The following GOSR2 variants were observed in gnomAD, a reference collection of about 807,000 sequenced individuals.
GOSR2 encodes 27 kDa Golgi SNARE protein.
A neutral mutation model predicts 27.9 loss-of-function variants in GOSR2; 20 were observed. The ratio of observed to expected loss-of-function variants is 0.72; its 90% CI spans 0.50 to 1.04. The LOEUF (loss-of-function observed/expected upper bound fraction) is 1.04. Ranked by LOEUF, GOSR2 falls within the 50% of genes least tolerant of loss-of-function variation. The probability of loss-of-function intolerance (pLI) is 0.00; values close to 1 mark genes in which losing one functional copy is unlikely to be tolerated. For synonymous variants in GOSR2, 91 were observed against 98.8 expected (o/e 0.92, Z 0.47); for missense variants, 261 against 270.5 (o/e 0.97, Z 0.25).
Position 46,938,834 on chromosome 17 carries a change from G to A in GOSR2, c.*74G>A. On this transcript the variant is annotated 3_prime_UTR_variant, in exon 6 of 6. Transcript: ENST00000640051. ...GTGTGTGTGTGAAAGAGAGAGGGGG[G>A]CCCAGAGGCCGCCTTTTGAAATGTT... is the stretch of plus-strand genomic sequence containing the variant. 6.2e-7 allele frequency: 1 copy of A among 1,606,186 alleles called. No individual in the cohort carries two copies. The highest frequency in any genetic ancestry group is 8.5e-7 in the Non-Finnish European group (1 of 1,177,920).
At chr17:46,967,851 T>C (rs961697183), downstream of GOSR2, among the ~76,000 whole-genome samples, 1 of 152,016 alleles carries the variant, frequency 6.6e-6, no homozygotes, top group East Asian at 1.9e-4. Flanking sequence ...CAGAGACCAT[T>C]TGGGGGCTAT....
intron 4 of GOSR2, 26 bp downstream of exon 4, chr17:46,932,225 G>C: frequency 4.3e-6 from 7 of 1,613,542 alleles, no homozygotes; most frequent in Non-Finnish European, 5.9e-6. Context: ...GGTGAGGGTC[G>C]GCCTGCACTT....
intron 6 of GOSR2, among the ~76,000 whole-genome samples, chr17:46,957,317 A>C (rs944864851): frequency 6.6e-6 from 1 of 151,840 alleles, no homozygotes; most frequent in Non-Finnish European, 1.5e-5. Context: ...AAAGAAAACA[A>C]AAAAAGAAAC....
intron 6 of GOSR2, among the ~76,000 whole-genome samples, chr17:46,966,144 G>T (rs1042095236): frequency 6.6e-6 from 1 of 152,064 alleles, no homozygotes; most frequent in African/African-American, 2.4e-5. Context: ...GTACTATTTC[G>T]TGATTGAGGG....
intron 6 of GOSR2, among the ~76,000 whole-genome samples, chr17:46,961,698 A>G (rs1219916942): frequency 2.6e-5 from 4 of 152,232 alleles, no homozygotes; most frequent in Non-Finnish European, 2.9e-5. Context: ...ATGTGTACCT[A>G]AAATATAACG....
chr17:46,974,546 A>G (rs2091426771), intron 6 of GOSR2, among the ~76,000 whole-genome samples: 1 of 152,130 alleles, frequency 6.6e-6, no homozygotes, highest in Non-Finnish European at 1.5e-5. Context: ...CATCCTGGCT[A>G]ACACGGTGAA....
downstream of GOSR2, among the ~76,000 whole-genome samples, chr17:46,970,364 A>C (rs2147342076): frequency 6.6e-6 from 1 of 152,166 alleles, no homozygotes; most frequent in East Asian, 1.9e-4. Flanking sequence ...ACAATGGTGA[A>C]ACCCTGTCTC....
At chr17:46,956,168 G>C (rs1339569495) in intron 6 of GOSR2, among the ~76,000 whole-genome samples, 1 of 151,794 alleles carries the variant, frequency 6.6e-6, no homozygotes, top group African/African-American at 2.4e-5. Flanking sequence ...AGCTAGTTCT[G>C]GATCAGAATC....
chr17:46,972,857 A>G (rs1378788558), intron 6 of GOSR2, among the ~76,000 whole-genome samples: 2 of 152,120 alleles, frequency 1.3e-5, no homozygotes, highest in African/African-American at 4.8e-5. Flanking sequence ...CACCTCTGCA[A>G]CTTCCTTAGC....
chr17:46,961,110 A>T (rs2147297002), intron 6 of GOSR2, among the ~76,000 whole-genome samples: 1 of 152,340 alleles, frequency 6.6e-6, no homozygotes, highest in Admixed American at 6.5e-5. Context: ...GTAAACATTT[A>T]AAGTCCTGAT....
rs1202543887 is a variant in GOSR2 at position 46,932,050 on chromosome 17, C to T, written c.204-17C>T. The T allele has an allele frequency of 6.2e-7, 1 of 1,611,460 alleles. No individual in the cohort carries two copies. The highest frequency in any genetic ancestry group is 1.3e-5 in the African/African-American group (1 of 74,870). ...CCTGAGTTCCTGGAATTTAATCTCTCTCTCCATCAATTCCAGTCGGGTTGA... is the reference window on the plus strand; with the variant it reads ...CCTGAGTTCCTGGAATTTAATCTCTTTCTCCATCAATTCCAGTCGGGTTGA... On this transcript the variant is annotated splice_polypyrimidine_tract_variant and intron_variant, in intron 3 of 5. Transcript: ENST00000640051.
At chr17:46,949,062 C>G (rs972055967) in intron 6 of GOSR2, 1 of 152,204 alleles carries the variant, frequency 6.6e-6, no homozygotes, top group African/African-American at 2.4e-5. Context: ...TAGGGGCTGA[C>G]GGCAATAGCT....
At position 46,940,454 on chromosome 17, in the gene GOSR2, A is replaced by G; in HGVS notation, c.*1694A>G. ...GGGGAGGCACATTGACATTTCCATT[A>G]CACACAGCACTGCTGCGGTGCCAGG... On this transcript the variant is annotated 3_prime_UTR_variant, in exon 6 of 6. Coordinates refer to ENST00000640051, the MANE Select transcript of GOSR2 (RefSeq NM_004287.5). 2 of 1,608,954 alleles carry G rather than the reference A, an allele frequency of 1.2e-6. No homozygotes were observed. The highest frequency in any genetic ancestry group is 4.5e-5 in the East Asian group (2 of 44,874).
chr17:46,966,366 ACCT>A (rs2091319996), intron 6 of GOSR2, among the ~76,000 whole-genome samples: 1 of 151,786 alleles, frequency 6.6e-6, no homozygotes, highest in Non-Finnish European at 1.5e-5. Flanking sequence ...CCATTGTGTG[ACCT>A]CCTCACACCT....
chr17:46,938,635 C>T lies in GOSR2; in HGVS notation c.514C>T (p.Leu172=), dbSNP rs780894227. The T allele has an allele frequency of 1.2e-6, 2 of 1,614,134 alleles. No individual in the cohort carries two copies. Among genetic ancestry groups the T allele is most frequent in the South Asian group, 2.2e-5 (2 of 91,084 alleles). Residue 172 remains leucine (L), a synonymous_variant, in exon 6 of 6, where the codon CTG becomes TTG. Transcript: ENST00000640051. ...QKKILDIANM[L]GLSNTVMRLI... is the part of the protein sequence containing the mutation. Reference sequence around the variant, plus strand: ...GAAGATCCTTGACATTGCCAACATGCTGGGCTTGTCCAACACAGTGATGCG... The same window carrying T: ...GAAGATCCTTGACATTGCCAACATGTTGGGCTTGTCCAACACAGTGATGCG...
chr17:46,924,358 A>G (rs1193067980), intron 1 of GOSR2: 1 of 152,328 alleles, frequency 6.6e-6, no homozygotes, highest in African/African-American at 2.4e-5. Context: ...TTATCCATTC[A>G]TCTGTTGATG....
At chr17:46,973,003 A>G (rs925971995) in intron 6 of GOSR2, 1 of 153,308 alleles carries the variant, frequency 6.5e-6, no homozygotes, top group Middle Eastern at 5.2e-4. Flanking sequence ...CCAGGTGGGA[A>G]AGTGTCAAAT....
At chr17:46,966,848 C>T in exon 7 of GOSR2, 1 of 413,822 alleles carries the variant, frequency 2.4e-6, no homozygotes, top group East Asian at 3.5e-5. Context: ...CCATTCCTGG[C>T]ATGTGAAGAG....
chr17:46,956,465 T>C (rs1266378667), intron 6 of GOSR2, among the ~76,000 whole-genome samples: 4 of 151,972 alleles, frequency 2.6e-5, no homozygotes, highest in Non-Finnish European at 5.9e-5. Flanking sequence ...TAAATTTTTT[T>C]GTATTTTCTT....
Sources: gnomAD v4.1 joint callset for allele counts (sites outside exome capture counted in the v4.1 genomes callset) on GRCh38, gnomAD v4.1.1 for gene constraint, MANE v1.5 for transcripts, NCBI Gene and HGNC (gene_info 2026-07-23, HGNC 2026-07-21) for gene names.